The following PXDN variants were observed in gnomAD, a reference collection of about 807,000 sequenced individuals.
PXDN encodes peroxidasin homolog.
In PXDN, 77 loss-of-function variants were observed where a neutral mutation model predicts 140.3. The observed-to-expected ratio is 0.55, with a 90% CI of 0.46 to 0.66. PXDN has a LOEUF of 0.66. Among genes scored for constraint, PXDN ranks in the 30% least tolerant of loss-of-function variants. The probability of loss-of-function intolerance (pLI) is 0.00; values close to 1 mark genes in which losing one functional copy is unlikely to be tolerated. For missense variants in PXDN, 1,838 were observed against 2,039.5 expected, an observed-to-expected ratio of 0.90 and a Z score of 1.90; for synonymous variants, 911 against 857.4, an observed-to-expected ratio of 1.06 and a Z score of -1.09.
intron 5 of PXDN, 47 bp from the exon 6 acceptor site, chr2:1,683,774 T>TA: frequency 7.0e-7 from 1 of 1,426,690 alleles, no homozygotes; most frequent in Non-Finnish European, 9.6e-7. Flanking sequence ...AAATATTTCT[T>TA]AAAATGTGTA....
At position 1,632,281 on chromosome 2, in the gene PXDN, A is replaced by G. The variant is rs72763553; in HGVS notation, c.*1923T>C. 10,665 of 152,240 alleles carry G rather than the reference A, an allele frequency of 0.07. 411 individuals are homozygous for G. The highest frequency in any genetic ancestry group is 0.085 in the Non-Finnish European group (5,750 of 68,008). The allele number at this position is 152,240 out of a possible 1,614,324, so 9.4% of individuals were successfully genotyped here. ...GGTGTGCCGCCTCAGCACTGAGACC[A>G]TGAGGCCTCCAGGGCATGTAAGAGG... On this transcript the variant is annotated 3_prime_UTR_variant, in exon 23 of 23. Transcript: ENST00000252804. The surrounding 1 kb of genome is among the most constrained non-coding windows in gnomAD (Gnocchi z 4.3).
chr2:1,719,834 T>TTTTGTG (rs1491465316), intron 1 of PXDN, among the ~76,000 whole-genome samples: 17 of 108,346 alleles, frequency 1.6e-4, no homozygotes, highest in South Asian at 3.5e-4. Flanking sequence ...CATGCGTGCA[T>TTTTGTG]TGTGTGTGTG....
chr2:1,693,670 G>A (rs928904933), intron 1 of PXDN, among the ~76,000 whole-genome samples: 10 of 152,136 alleles, frequency 6.6e-5, no homozygotes, highest in Non-Finnish European at 1.5e-4. Context: ...CTCACATATG[G>A]GTTTTACCCT....
intron 1 of PXDN, among the ~76,000 whole-genome samples, chr2:1,700,113 G>A (rs748777980): frequency 1.3e-5 from 2 of 152,248 alleles, no homozygotes; most frequent in Middle Eastern, 6.8e-3. Context: ...CCAGGCTGGA[G>A]TGGAGTGGCG....
chr2:1,729,147 G>A (rs1295282451), intron 1 of PXDN, among the ~76,000 whole-genome samples: 1 of 152,196 alleles, frequency 6.6e-6, no homozygotes, highest in Non-Finnish European at 1.5e-5. Flanking sequence ...GACAGAGCTG[G>A]CAAATAAACA....
chr2:1,704,261 GGGGGGACAGCTCCAGGTGAAGC>G (rs1553367112), intron 1 of PXDN, among the ~76,000 whole-genome samples: 3 of 7,772 alleles, frequency 3.9e-4, no homozygotes, highest in South Asian at 0.023. Flanking sequence ...CCAGGTGAAG[GGGGGGACAGCTCCAGGTGAAGC>G]GGGGGACAGC....
chr2:1,662,235 A>T, intron 12 of PXDN, 51 bp from the exon 13 acceptor site: 1 of 1,476,458 alleles, frequency 6.8e-7, no homozygotes, highest in Admixed American at 2.0e-5. Context: ...TACATCAAAA[A>T]ACTTCAGAAG....
chr2:1,642,699 G>A (rs964575371), intron 19 of PXDN, among the ~76,000 whole-genome samples: 1 of 152,230 alleles, frequency 6.6e-6, no homozygotes, highest in Admixed American at 6.5e-5. Flanking sequence ...GGTTAACCAA[G>A]ACTGGGAGTT....
intron 16 of PXDN, chr2:1,653,344 C>T (rs894303435): frequency 4.6e-6 from 2 of 436,126 alleles, no homozygotes; most frequent in South Asian, 2.0e-5. Context: ...CATAACCCAC[C>T]CTGGCCAGGA....
At chr2:1,663,905 CT>C in intron 11 of PXDN, 142 bp from the exon 12 acceptor site, 1 of 976,336 alleles carries the variant, frequency 1.0e-6, no homozygotes, top group Non-Finnish European at 1.5e-6. Flanking sequence ...ATAAGCAAAT[CT>C]TTGCCTCCCC....
intron 3 of PXDN, among the ~76,000 whole-genome samples, chr2:1,690,132 A>G (rs1158623174): frequency 1.3e-5 from 2 of 152,206 alleles, no homozygotes; most frequent in Non-Finnish European, 1.5e-5. Flanking sequence ...TACTCCACCA[A>G]TGAGAGCTGA....
intron 9 of PXDN, among the ~76,000 whole-genome samples, chr2:1,668,083 G>C (rs1026059073): frequency 6.6e-6 from 1 of 152,112 alleles, no homozygotes; most frequent in South Asian, 2.1e-4. Context: ...AAAACAACAC[G>C]ATAGTGCTAC....
chr2:1,661,839 C>G (rs1183234577), intron 13 of PXDN, among the ~76,000 whole-genome samples: 4 of 152,194 alleles, frequency 2.6e-5, no homozygotes, highest in Admixed American at 2.6e-4. Context: ...TAAGGATGCC[C>G]TGAGTATTTT....
chr2:1,653,525 A>G, intron 16 of PXDN, 103 bp downstream of exon 16: 1 of 1,456,082 alleles, frequency 6.9e-7, no homozygotes, highest in South Asian at 1.2e-5. Flanking sequence ...GCACAGTGGG[A>G]AAGAAAATGC....
rs62116593 is a variant in PXDN, at chr2:1,673,994, G to A, written c.849-182C>T. ...AACAGGCAATTCTGAAAAGGGGACC[G>A]TGTATTTGCACATCTCATTCACTCA... On this transcript the variant is annotated intron_variant, in intron 8 of 22. Coordinates refer to ENST00000252804, the MANE Select transcript of PXDN (RefSeq NM_012293.3). Among the ~76,000 whole-genome samples the A allele has an allele frequency of 0.035, 5,321 of 152,282 alleles. 132 individuals are homozygous for A. The highest frequency in any genetic ancestry group is 0.046 in the Non-Finnish European group (3,109 of 68,022).
intron 17 of PXDN, among the ~76,000 whole-genome samples, chr2:1,646,967 C>T (rs1682862824): frequency 6.6e-6 from 1 of 152,118 alleles, no homozygotes; most frequent in Non-Finnish European, 1.5e-5. Flanking sequence ...GTGATCTCGG[C>T]TCACTGCAAT....
At chr2:1,720,791 C>T (rs1445897867) in intron 1 of PXDN, among the ~76,000 whole-genome samples, 1 of 151,856 alleles carries the variant, frequency 6.6e-6, no homozygotes, top group Non-Finnish European at 1.5e-5. Context: ...TCTGGAGAAC[C>T]CTGACCAACC....
Position 1,684,110 on chromosome 2 carries a change from G to A in PXDN, c.458C>T (p.Ser153Leu), listed in dbSNP as rs765145239. The A allele has an allele frequency of 1.1e-4, 176 of 1,587,800 alleles. No individual in the cohort carries two copies. Among genetic ancestry groups the A allele is most frequent in the Non-Finnish European group, 1.4e-4 (162 of 1,166,532 alleles). Reference protein sequence around the residue: ...FNQIETLDPDSFQHLPKLERL... With the variant: ...FNQIETLDPDLFQHLPKLERL... ...CTCGAGCTTCGGGAGATGCTGGAAC[G>A]AATCTGGGTCCAAAGTTTCTATCTG... Residue 153 changes from serine to leucine, a missense_variant, in exon 5 of 23, where the codon TCG becomes TTG. Transcript: ENST00000252804.
At chr2:1,705,029 A>C (rs1253079485) in intron 1 of PXDN, among the ~76,000 whole-genome samples, 1 of 152,184 alleles carries the variant, frequency 6.6e-6, no homozygotes, top group Non-Finnish European at 1.5e-5. Context: ...CCAACTAAAA[A>C]TTAACTGAAG....
Sources: allele counts gnomAD v4.1 joint callset (sites outside exome capture counted in the v4.1 genomes callset), GRCh38; gene constraint gnomAD v4.1.1; non-coding constraint Gnocchi (gnomAD v3.1); transcripts MANE v1.5; gene names NCBI Gene and HGNC (gene_info 2026-07-23, HGNC 2026-07-21).